Variants in FAM81A observed in about 807,000 individuals in gnomAD.
The protein encoded by FAM81A is family with sequence similarity 81 member A.
Under a neutral mutation model 46.7 loss-of-function variants are expected in FAM81A, and 19 were observed. That is an observed-to-expected ratio of 0.41 (90% CI 0.28 to 0.60). The LOEUF is 0.60. FAM81A is among the 20% of genes least tolerant of loss of function. The probability of loss-of-function intolerance (pLI) is 0.34; values close to 1 mark genes in which losing one functional copy is unlikely to be tolerated. For missense variants in FAM81A, 377 were observed against 453.5 expected (o/e 0.83, Z 1.53); for synonymous variants, 183 against 152.9 (o/e 1.20, Z -1.45).
intron 2 of FAM81A, among the ~76,000 whole-genome samples, chr15:59,409,350 C>T (rs2081110492): frequency 6.6e-6 from 1 of 152,202 alleles, no homozygotes; most frequent in African/African-American, 2.4e-5. Context: ...CCTTTCTTCC[C>T]TGCCTGATCA....
chr15:59,427,372 A>G (rs1462820383), intron 2 of FAM81A, among the ~76,000 whole-genome samples: 1 of 152,104 alleles, frequency 6.6e-6, no homozygotes, highest in African/African-American at 2.4e-5. Flanking sequence ...CAGCCTCCCA[A>G]AGTGCTGGGA....
chr15:59,447,864 C>A (rs182924861), intron 1 of FAM81A, among the ~76,000 whole-genome samples: 37 of 152,184 alleles, frequency 2.4e-4, no homozygotes, highest in African/African-American at 7.5e-4. Flanking sequence ...AGGGAGGAGG[C>A]CTCAGATACA....
In FAM81A at chr15:59,522,990, A is replaced by T. The variant is rs2082342228; in HGVS notation, c.*1612A>T. The stretch of plus-strand genomic sequence containing the variant: ...AAAAAAAGGCGAATGCTGTTTTGCA[A>T]TCAGAAAGTGAATTTCTTTTGTGGT... On this transcript the variant is annotated 3_prime_UTR_variant, in exon 9 of 9. Transcript: ENST00000288228. The T allele has an allele frequency of 6.6e-6, 1 of 152,422 alleles. No homozygotes were observed. Among genetic ancestry groups the T allele is most frequent in the African/African-American group, 2.4e-5 (1 of 41,464 alleles). The allele number at this position is 152,422 out of a possible 1,614,324, so 9.4% of individuals were successfully genotyped here.
At chr15:59,417,463 T>C (rs1156330020) in intron 2 of FAM81A, among the ~76,000 whole-genome samples, 2 of 151,880 alleles carry the variant, frequency 1.3e-5, no homozygotes, top group Non-Finnish European at 2.9e-5. Context: ...CCCAGCACTT[T>C]GGGAGGCCGT....
At chr15:59,445,976 C>T (rs1380014873) in intron 1 of FAM81A, among the ~76,000 whole-genome samples, 1 of 152,190 alleles carries the variant, frequency 6.6e-6, no homozygotes, top group Non-Finnish European at 1.5e-5. Context: ...AGCCTTCCGC[C>T]GAGCTCACAG....
At position 59,458,441 on chromosome 15, in the gene FAM81A, TC is replaced by T. The variant is rs2035934134; in HGVS notation, c.-77-108del. The T allele has an allele frequency of 1.1e-5, 7 of 662,306 alleles. No homozygotes were observed. The South Asian group carries it at 1.4e-4, about 13-fold the overall frequency. The allele number at this position is 662,306 out of a possible 1,614,324, so 41.0% of individuals were successfully genotyped here. On this transcript the variant is annotated intron_variant, in intron 1 of 8. Transcript: ENST00000288228. ...ACAAAACATTTAATAATATAACTTA[TC>T]AGTGTTTCAACATAATTTATGATCC...
In FAM81A at chr15:59,401,473, C is replaced by G. The variant is rs571582708; in HGVS notation, c.-160-803C>G. 323 of 772,360 alleles carry G rather than the reference C, an allele frequency of 4.2e-4. 4 individuals carry two copies. In the South Asian group the frequency reaches 4.4e-3, roughly 11 times the overall value. The allele number at this position is 772,360 out of a possible 1,614,324, so 47.8% of individuals were successfully genotyped here. Reference sequence around the variant, plus strand: ...ATGTTACATGGGCTTTCTTGAAACGCAAGCCCATTGGCCTGATGAATCTTT... The same window carrying G: ...ATGTTACATGGGCTTTCTTGAAACGGAAGCCCATTGGCCTGATGAATCTTT... On this transcript the variant is annotated intron_variant, in intron 1 of 4. Transcript: ENST00000558348.
At chr15:59,409,613 C>T (rs1193092056) in intron 2 of FAM81A, among the ~76,000 whole-genome samples, 5 of 152,074 alleles carry the variant, frequency 3.3e-5, no homozygotes, top group Admixed American at 1.3e-4. Flanking sequence ...ACAAGACAGA[C>T]GTGAAAAAAA....
At chr15:59,413,978 G>A (rs1364110647) in intron 2 of FAM81A, among the ~76,000 whole-genome samples, 4 of 152,082 alleles carry the variant, frequency 2.6e-5, no homozygotes, top group African/African-American at 9.7e-5. Context: ...TTTAGAGACA[G>A]AATCTCACTC....
Position 59,521,333 on chromosome 15 carries a change from A to G in FAM81A, c.1062A>G (p.Leu354=). Residue 354 remains leucine (L), a synonymous_variant, in exon 9 of 9, where the codon CTA becomes CTG. Transcript: ENST00000288228. The part of the protein sequence containing the change: ...EAKMKLDRDQ[L]QKQIQLMQKP... ...AGATGAAGCTGGACAGGGACCAGCT[A>G]CAGAAGCAAATCCAGCTGATGCAGA... The G allele has an allele frequency of 6.2e-7, 1 of 1,613,654 alleles. No homozygotes were observed. The highest frequency in any genetic ancestry group is 1.1e-5 in the South Asian group (1 of 91,018).
intron 4 of FAM81A, among the ~76,000 whole-genome samples, chr15:59,505,926 C>T (rs1471783485): frequency 6.6e-6 from 1 of 152,198 alleles, no homozygotes; most frequent in African/African-American, 2.4e-5. Flanking sequence ...CCTTGAATGT[C>T]TGGCCATCTC....
intron 4 of FAM81A, among the ~76,000 whole-genome samples, chr15:59,501,716 C>G (rs1247689910): frequency 6.6e-6 from 1 of 152,128 alleles, no homozygotes; most frequent in African/African-American, 2.4e-5. Flanking sequence ...ACCTGATGGC[C>G]ACAACCTGGA....
chr15:59,426,761 C>T (rs2081196767), intron 2 of FAM81A, among the ~76,000 whole-genome samples: 2 of 152,234 alleles, frequency 1.3e-5, no homozygotes, highest in Non-Finnish European at 2.9e-5. Context: ...CTCCAACACG[C>T]CTCGACATAC....
chr15:59,413,421 C>CACACACACACACACAA (rs2081131233), intron 2 of FAM81A, among the ~76,000 whole-genome samples: 1 of 79,396 alleles, frequency 1.3e-5, no homozygotes, highest in Non-Finnish European at 2.1e-5. Context: ...GCATTAAACA[C>CACACACACACACACAA]ACACACACAC....
At chr15:59,444,115 C>T (rs1054641617) in intron 1 of FAM81A, 1 of 152,292 alleles carries the variant, frequency 6.6e-6, no homozygotes, top group African/African-American at 2.4e-5. Flanking sequence ...AGTGTTATTT[C>T]CCTGCATAAT....
At chr15:59,456,556 G>C (rs755061356) in intron 1 of FAM81A, among the ~76,000 whole-genome samples, 1 of 152,002 alleles carries the variant, frequency 6.6e-6, no homozygotes, top group Non-Finnish European at 1.5e-5. Context: ...TTTTCACAGG[G>C]TTAGCCACTT....
At chr15:59,488,891 G>C (rs1001548143) in intron 3 of FAM81A, among the ~76,000 whole-genome samples, 5 of 151,868 alleles carry the variant, frequency 3.3e-5, no homozygotes, top group African/African-American at 9.7e-5. Flanking sequence ...TGTGCCTTGG[G>C]GGCAGAGGTT....
chr15:59,441,263 C>T lies in FAM81A; in HGVS notation c.-78+2981C>T, dbSNP rs2081294411. Among the ~76,000 whole-genome samples the T allele has an allele frequency of 1.3e-5, 2 of 152,218 alleles. 1 individual carries two copies. The highest frequency in any genetic ancestry group is 1.3e-4 in the Admixed American group (2 of 15,282). ...CCAACCCTTACTCCACCATATGGGT[C>T]ATCCTTCCCATAAGAAACTCTGGTG... On this transcript the variant is annotated intron_variant, in intron 1 of 8. Transcript: ENST00000288228.
At chr15:59,454,256 A>G (rs1185613231) in intron 1 of FAM81A, among the ~76,000 whole-genome samples, 5 of 152,310 alleles carry the variant, frequency 3.3e-5, no homozygotes, top group African/African-American at 7.2e-5. Context: ...TATCAATCCT[A>G]TATTTTAATA....
Sources: gnomAD v4.1 joint callset for allele counts (sites outside exome capture counted in the v4.1 genomes callset) on GRCh38, gnomAD v4.1.1 for gene constraint, MANE v1.5 for transcripts, NCBI Gene and HGNC (gene_info 2026-07-23, HGNC 2026-07-21) for gene names.